Variants in ABLIM2 observed in about 807,000 individuals in gnomAD.
The protein encoded by ABLIM2 is actin-binding LIM protein 2.
A neutral mutation model predicts 97.7 loss-of-function variants in ABLIM2; 53 were observed. That is an observed-to-expected ratio of 0.54 (90% CI 0.44 to 0.68). The LOEUF is 0.68. Among genes scored for constraint, ABLIM2 ranks in the 30% least tolerant of loss-of-function variants. ABLIM2 has a pLI of 0.00. For missense variants in ABLIM2, 835 were observed against 867.2 expected, an observed-to-expected ratio of 0.96 and a Z score of 0.47; for synonymous variants, 361 against 345.8, an observed-to-expected ratio of 1.04 and a Z score of -0.49.
rs1019096617 is a variant in ABLIM2 at position 7,970,302 on chromosome 4, T to C, written c.1825-3199A>G. On this transcript the variant is annotated intron_variant, in intron 20 of 20. Transcript: ENST00000447017. The surrounding 1 kb of genome is among the most constrained non-coding windows in gnomAD (Gnocchi z 5.3). ...TCCCTGTGGCCACATTCCTGCTTCCTGCTGGGGGAGGCTAAGGGAGGGGCG... is the reference window on the plus strand; with the variant it reads ...TCCCTGTGGCCACATTCCTGCTTCCCGCTGGGGGAGGCTAAGGGAGGGGCG... 6.6e-6 allele frequency among the ~76,000 whole-genome samples: 1 copy of C among 152,046 alleles called. No individual in the cohort carries two copies. Among genetic ancestry groups the C allele is most frequent in the African/African-American group, 2.4e-5 (1 of 41,426 alleles).
rs762505602 is a variant in ABLIM2 at position 8,088,189 on chromosome 4, T to G, written c.434A>C (p.His145Pro). 7.4e-5 allele frequency: 112 copies of G among 1,517,510 alleles called. No individual in the cohort carries two copies. The highest frequency in any genetic ancestry group is 9.5e-5 in the Non-Finnish European group (107 of 1,122,644). The allele number at this position is 1,517,510 out of a possible 1,614,324, so 94.0% of individuals were successfully genotyped here. Residue 145 changes from histidine (H) to proline (P), a missense_variant, in exon 4 of 21, where the codon CAC becomes CCC. His to Pro is a moderately conservative substitution (Grantham distance 77, BLOSUM62 -2). Transcript: ENST00000447017. ...SLPVSVGSSAHLSQGLRSCGG... is the reference protein window; with the variant it reads ...SLPVSVGSSAPLSQGLRSCGG... The stretch of plus-strand genomic sequence containing the variant: ...CTTACTTCGGAGGCCCTGGGACAGG[T>G]GCGCGCTGCTGCCCACCGATACGGG...
chr4:8,032,563 C>A lies in ABLIM2; in HGVS notation c.1048-2787G>T. The A allele has an allele frequency of 6.3e-7, 1 of 1,576,592 alleles. No homozygotes were observed. The highest frequency in any genetic ancestry group is 1.1e-5 in the South Asian group (1 of 89,372). On this transcript the variant is annotated intron_variant, in intron 10 of 20. Transcript: ENST00000447017. This position sits in a 1 kb window ranked among gnomAD's most constrained non-coding sequence, Gnocchi z 4.3. ...GTGAAGAGCCACCGAGGAGGCCCTT[C>A]CCGGGAGTGCGGCTGGGTGGTTATG... is the stretch of plus-strand genomic sequence containing the variant.
At chr4:8,093,224 C>A (rs116181157) in intron 3 of ABLIM2, among the ~76,000 whole-genome samples, 4,611 of 152,210 alleles carry the variant, frequency 0.03, 121 homozygotes, top group Non-Finnish European at 0.049. Flanking sequence ...TGTAAATAAT[C>A]AATATTTTGT....
chr4:8,054,338 G>A lies in ABLIM2; in HGVS notation c.764-92C>T. ...AACGCAGAGGAGGGAGCTGGTCCAT[G>A]CACAGACGTGCACTCGGACTCCACC... On this transcript the variant is annotated intron_variant, in intron 7 of 20. Coordinates refer to ENST00000447017, the MANE Select transcript of ABLIM2 (RefSeq NM_001130083.2). This position sits in a 1 kb window ranked among gnomAD's most constrained non-coding sequence, Gnocchi z 4.9. The A allele has an allele frequency of 1.5e-6, 2 of 1,312,790 alleles. No homozygotes were observed. Among genetic ancestry groups the A allele is most frequent in the Non-Finnish European group, 2.2e-6 (2 of 921,350 alleles). The allele number at this position is 1,312,790 out of a possible 1,614,324, so 81.3% of individuals were successfully genotyped here.
chr4:8,010,609 C>G, intron 14 of ABLIM2: 1 of 977,660 alleles, frequency 1.0e-6, no homozygotes, highest in Non-Finnish European at 1.2e-6. Flanking sequence ...ACACTAACAT[C>G]TCGTTACTCT....
Position 8,095,839 on chromosome 4 carries a change from C to G in ABLIM2, c.338+1260G>C, listed in dbSNP as rs1194173525. On this transcript the variant is annotated intron_variant, in intron 3 of 20. Transcript: ENST00000447017. This position sits in a 1 kb window ranked among gnomAD's most constrained non-coding sequence, Gnocchi z 4.7. ...CGAGGAATCTCTGCCCTGGACAGGACTCAGATGTTTCCCAAATCCAGGAAT... is the reference window on the plus strand; with the variant it reads ...CGAGGAATCTCTGCCCTGGACAGGAGTCAGATGTTTCCCAAATCCAGGAAT... 6.6e-6 allele frequency among the ~76,000 whole-genome samples: 1 copy of G among 152,210 alleles called. No homozygotes were observed. Among genetic ancestry groups the G allele is most frequent in the African/African-American group, 2.4e-5 (1 of 41,454 alleles).
At position 8,060,504 on chromosome 4, in the gene ABLIM2, C is replaced by T. The variant is rs1580155714; in HGVS notation, c.763+463G>A. 3.3e-5 allele frequency among the ~76,000 whole-genome samples: 5 copies of T among 152,262 alleles called. No homozygotes were observed. The Middle Eastern group carries it at 0.014, about 414-fold the overall frequency. ...GAAAGCCTCGGCTGCTGCCAGTGAC[C>T]CTCAGTACCTCATTACCAACCTCCT... On this transcript the variant is annotated intron_variant, in intron 7 of 20. Transcript: ENST00000447017.
intron 20 of ABLIM2, among the ~76,000 whole-genome samples, chr4:7,980,892 C>A (rs1737554840): frequency 6.6e-6 from 1 of 150,460 alleles, no homozygotes; most frequent in Admixed American, 6.7e-5. Flanking sequence ...GGAAGGCCAC[C>A]TATGAGACTT....
rs1279167604 is a variant in ABLIM2, at chr4:8,071,662, G to A, written c.675+5966C>T. 3 of 968,416 alleles carry A rather than the reference G, an allele frequency of 3.1e-6. No homozygotes were observed. Among genetic ancestry groups the A allele is most frequent in the Non-Finnish European group, 3.7e-6 (3 of 814,548 alleles). The allele number at this position is 968,416 out of a possible 1,614,324, so 60.0% of individuals were successfully genotyped here. A position where few individuals can be genotyped will look rare whatever the true frequency, so the allele number is the denominator to read the frequency against. Reference sequence around the variant, plus strand: ...GGGGTGGGGGAACAGGTGGCTCCGAGGTCTCACACCTGACTGCTCTGTCCC... The same window carrying A: ...GGGGTGGGGGAACAGGTGGCTCCGAAGTCTCACACCTGACTGCTCTGTCCC... On this transcript the variant is annotated intron_variant, in intron 6 of 20. Transcript: ENST00000447017. This position sits in a 1 kb window ranked among gnomAD's most constrained non-coding sequence, Gnocchi z 6.2.
rs1172847334 is a variant in ABLIM2 at position 8,075,982 on chromosome 4, T to C, written c.675+1646A>G. On this transcript the variant is annotated intron_variant, in intron 6 of 20. Coordinates refer to ENST00000447017, the MANE Select transcript of ABLIM2 (RefSeq NM_001130083.2). The surrounding 1 kb of genome is among the most constrained non-coding windows in gnomAD (Gnocchi z 4.4). ...AGGCTAACTATGATTGCATAGTCAG[T>C]GGTTTTATTTTCTTCTTAGCACCTC... 6.6e-6 allele frequency among the ~76,000 whole-genome samples: 1 copy of C among 152,110 alleles called. No individual in the cohort carries two copies. Among genetic ancestry groups the C allele is most frequent in the Non-Finnish European group, 1.5e-5 (1 of 68,026 alleles).
Position 8,147,170 on chromosome 4 carries a change from C to G in ABLIM2, c.10+11510G>C, listed in dbSNP as rs1851937120. Reference sequence around the variant, plus strand: ...CTCCATACATTTCACCTAACTGCTCCTCAAAAGATTAGACCAATTCATATT... The same window carrying G: ...CTCCATACATTTCACCTAACTGCTCGTCAAAAGATTAGACCAATTCATATT... On this transcript the variant is annotated intron_variant, in intron 1 of 20. Transcript: ENST00000447017. The surrounding 1 kb of genome is among the most constrained non-coding windows in gnomAD (Gnocchi z 5.3). Among the ~76,000 whole-genome samples, 1 of 152,224 alleles carries G rather than the reference C, an allele frequency of 6.6e-6. No individual in the cohort carries two copies. The highest frequency in any genetic ancestry group is 2.4e-5 in the African/African-American group (1 of 41,454).
At chr4:8,131,761 G>C (rs1299753791) in intron 1 of ABLIM2, among the ~76,000 whole-genome samples, 1,366 of 55,554 alleles carry the variant, frequency 0.025, no homozygotes, top group African/African-American at 0.035. Context: ...CCGCATCCCT[G>C]AGCACAGCAG....
In ABLIM2 at chr4:8,003,959, T is replaced by A. The variant is rs1759203642; in HGVS notation, c.1618+4100A>T. Among the ~76,000 whole-genome samples, 1 of 152,018 alleles carries A rather than the reference T, an allele frequency of 6.6e-6. No homozygotes were observed. On this transcript the variant is annotated intron_variant, in intron 16 of 20. Coordinates refer to ENST00000447017, the MANE Select transcript of ABLIM2 (RefSeq NM_001130083.2). The surrounding 1 kb of genome is among the most constrained non-coding windows in gnomAD (Gnocchi z 4.2). ...GGTGCCCTGCCCGTCCCACCAGATA[T>A]CCTCACGAGATTGACAGTAGCACGT...
intron 8 of ABLIM2, among the ~76,000 whole-genome samples, chr4:8,053,419 C>T (rs1797229323): frequency 1.3e-5 from 2 of 152,224 alleles, no homozygotes. Context: ...ACCAGGACCT[C>T]CTGAGGCTGT....
Position 8,032,526 on chromosome 4 carries a change from C to T in ABLIM2, c.1048-2750G>A. The T allele has an allele frequency of 7.7e-7, 1 of 1,293,372 alleles. No individual in the cohort carries two copies. The highest frequency in any genetic ancestry group is 1.1e-6 in the Non-Finnish European group (1 of 910,396). 80.1% of individuals were successfully genotyped at this position (1,293,372 alleles called of 1,614,324 possible). A position where few individuals can be genotyped will look rare whatever the true frequency, so the allele number is the denominator to read the frequency against. On this transcript the variant is annotated intron_variant, in intron 10 of 20. Transcript: ENST00000447017. The surrounding 1 kb of genome is among the most constrained non-coding windows in gnomAD (Gnocchi z 4.3). ...GCCCCATGTCACAAGGGCCGTGGCC[C>T]CGGGCCCCATGGTGAAGAGCCACCG...
chr4:8,031,407 G>A (rs983426011), intron 10 of ABLIM2, among the ~76,000 whole-genome samples: 3 of 152,248 alleles, frequency 2.0e-5, no homozygotes, highest in South Asian at 4.1e-4. Flanking sequence ...TAAATGAGGA[G>A]ATGAAAAGAT....
At chr4:8,103,823 G>T (rs1249228973) in intron 2 of ABLIM2, among the ~76,000 whole-genome samples, 3 of 152,218 alleles carry the variant, frequency 2.0e-5, no homozygotes, top group Non-Finnish European at 4.4e-5. Flanking sequence ...AGCTTGACTC[G>T]GGTCTGATGC....
rs1756794121 is a variant in ABLIM2, at chr4:8,001,012, C to T, written c.1618+7047G>A. Among the ~76,000 whole-genome samples, 1 of 152,228 alleles carries T rather than the reference C, an allele frequency of 6.6e-6. No individual in the cohort carries two copies. ...TTGTGGGCACCTGACCCGTGAGCCACTCGCTTGGGCAGTTCCCATCCGCTC... is the reference window on the plus strand; with the variant it reads ...TTGTGGGCACCTGACCCGTGAGCCATTCGCTTGGGCAGTTCCCATCCGCTC... On this transcript the variant is annotated intron_variant, in intron 16 of 20. Coordinates refer to ENST00000447017, the MANE Select transcript of ABLIM2 (RefSeq NM_001130083.2). This position sits in a 1 kb window ranked among gnomAD's most constrained non-coding sequence, Gnocchi z 4.2.
At chr4:8,030,308 C>T (rs1780099068) in intron 10 of ABLIM2, among the ~76,000 whole-genome samples, 1 of 152,190 alleles carries the variant, frequency 6.6e-6, no homozygotes, top group African/African-American at 2.4e-5. Context: ...GCAGGAGCAG[C>T]TGTTTGCAGC....
Sources: allele counts gnomAD v4.1 joint callset (sites outside exome capture counted in the v4.1 genomes callset), GRCh38; gene constraint gnomAD v4.1.1; non-coding constraint Gnocchi (gnomAD v3.1); transcripts MANE v1.5; gene names NCBI Gene and HGNC (gene_info 2026-07-23, HGNC 2026-07-21).